PCDH11X: variants seen among roughly 807,000 people sequenced by gnomAD.
PCDH11X encodes the protein protocadherin-11 X-linked.
In PCDH11X, 18 loss-of-function variants were observed where a neutral mutation model predicts 53.3. The ratio of observed to expected loss-of-function variants is 0.34; its 90% CI spans 0.23 to 0.50. PCDH11X has a LOEUF of 0.50. Among genes scored for constraint, PCDH11X ranks in the 20% least tolerant of loss-of-function variants. The pLI is 0.98. For synonymous variants in PCDH11X, 279 were observed against 393.3 expected, an observed-to-expected ratio of 0.71 and a Z score of 3.44; for missense variants, 570 against 1,032.4, an observed-to-expected ratio of 0.55 and a Z score of 6.14.
intron 10 of PCDH11X, among the ~76,000 whole-genome samples, chrX:92,498,901 T>TATATTATA (rs200346515): frequency 3.3e-5 from 3 of 90,179 alleles, no homozygotes; most frequent in Non-Finnish European, 4.4e-5. Context: ...TCATCAACAG[T>TATATTATA]ATATTATAAT....
At chrX:92,412,538 T>C (rs868779713) in intron 9 of PCDH11X, among the ~76,000 whole-genome samples, 2 of 53,389 alleles carry the variant, frequency 3.7e-5, no homozygotes, top group African/African-American at 6.8e-5. Context: ...TATATATATA[T>C]ATATATATAT....
At chrX:92,548,078 A>G (rs1378391309) in intron 10 of PCDH11X, among the ~76,000 whole-genome samples, 1 of 110,418 alleles carries the variant, frequency 9.1e-6, no homozygotes, top group Non-Finnish European at 1.9e-5. Context: ...ATCCAAGTTT[A>G]AATTGTGCAT....
At chrX:92,529,370 G>A (rs1263991909) in intron 10 of PCDH11X, among the ~76,000 whole-genome samples, 2 of 108,222 alleles carry the variant, frequency 1.8e-5, no homozygotes, top group African/African-American at 6.7e-5. Context: ...CACTGAATCT[G>A]TATGTATTAT....
chrX:92,506,216 C>CTTTTTTCTTTTTTTTT (rs2074055575), intron 10 of PCDH11X, among the ~76,000 whole-genome samples: 2 of 40,205 alleles, frequency 5.0e-5, no homozygotes, highest in Non-Finnish European at 8.2e-5. Flanking sequence ...CTTTTCTTTT[C>CTTTTTTCTTTTTTTTT]TTTTTTTTTT....
chrX:91,827,899 T>A (rs1936973296), intron 4 of PCDH11X, among the ~76,000 whole-genome samples: 1 of 107,633 alleles, frequency 9.3e-6, no homozygotes, highest in Non-Finnish European at 1.9e-5. Flanking sequence ...TTCTTTTTGC[T>A]TAGGATTGCC....
At chrX:92,057,925 C>G (rs1460537978) in intron 6 of PCDH11X, among the ~76,000 whole-genome samples, 1 of 89,080 alleles carries the variant, frequency 1.1e-5, no homozygotes, top group African/African-American at 6.1e-5. Flanking sequence ...AGATTCACAG[C>G]CACGTATAAT....
At chrX:92,062,279 T>C (rs1411189885) in intron 6 of PCDH11X, among the ~76,000 whole-genome samples, 1 of 111,570 alleles carries the variant, frequency 9.0e-6, no homozygotes, top group Non-Finnish European at 1.9e-5. Context: ...ATAGTTTGAC[T>C]TCCTCTCTTT....
chrX:91,856,911 T>C (rs1374113395), intron 5 of PCDH11X, among the ~76,000 whole-genome samples: 1 of 112,032 alleles, frequency 8.9e-6, no homozygotes, highest in Admixed American at 9.5e-5. Context: ...GCAATGAACA[T>C]ACATGTGCAT....
At chrX:92,302,608 T>C (rs2068746450) in intron 8 of PCDH11X, among the ~76,000 whole-genome samples, 1 of 111,388 alleles carries the variant, frequency 9.0e-6, no homozygotes, top group African/African-American at 3.3e-5. Context: ...GCCTGGAGCT[T>C]AGTGTGTGAG....
intron 8 of PCDH11X, among the ~76,000 whole-genome samples, chrX:92,332,720 A>ACAGCAG (rs112550030): frequency 3.3e-4 from 36 of 109,314 alleles, no homozygotes; most frequent in South Asian, 1.6e-3. Flanking sequence ...AGTTACTAAA[A>ACAGCAG]CAGCAGCAGC....
chrX:92,447,024 G>T (rs184826450), intron 9 of PCDH11X, among the ~76,000 whole-genome samples: 67 of 111,601 alleles, frequency 6.0e-4, no homozygotes, highest in African/African-American at 2.0e-3. Flanking sequence ...GTGGAATTTT[G>T]AACTTGAGAG....
chrX:92,496,386 T>C (rs1368286882), intron 10 of PCDH11X, among the ~76,000 whole-genome samples: 1 of 106,186 alleles, frequency 9.4e-6, no homozygotes, highest in Admixed American at 1.0e-4. Context: ...AATGTGGTGA[T>C]GAAGATTAAA....
At chrX:92,375,973 GA>G (rs1569476960) in intron 8 of PCDH11X, among the ~76,000 whole-genome samples, 1 of 111,157 alleles carries the variant, frequency 9.0e-6, no homozygotes, top group Non-Finnish European at 1.9e-5. Context: ...AGGAAATTAA[GA>G]AATATTGATG....
rs138118959 is a variant in PCDH11X at position 92,299,491 on chromosome X, A to G, written c.3144+36348A>G. On this transcript the variant is annotated intron_variant, in intron 8 of 10. Transcript: ENST00000682573. ...TATTACTGATTCAATTTTGGACCTC[A>G]TTTTGTATTTGTTCAGGGATCCAAT... is the stretch of plus-strand genomic sequence containing the variant. Among the ~76,000 whole-genome samples the G allele has an allele frequency of 7.2e-3, 795 of 110,915 alleles. 7 individuals are homozygous for G. Among genetic ancestry groups the G allele is most frequent in the African/African-American group, 0.025 (757 of 30,507 alleles).
At chrX:92,115,478 A>G (rs1379273821) in intron 6 of PCDH11X, among the ~76,000 whole-genome samples, 1 of 110,523 alleles carries the variant, frequency 9.0e-6, no homozygotes, top group Non-Finnish European at 1.9e-5. Flanking sequence ...ATATGTATAT[A>G]TTAAAGGGAG....
At chrX:92,128,560 G>A (rs1231700216) in intron 6 of PCDH11X, among the ~76,000 whole-genome samples, 1 of 108,952 alleles carries the variant, frequency 9.2e-6, no homozygotes, top group African/African-American at 3.4e-5. Context: ...ACCACGCCTG[G>A]CTAATTTTGG....
intron 6 of PCDH11X, among the ~76,000 whole-genome samples, chrX:92,006,313 C>T (rs757110397): frequency 9.3e-6 from 1 of 107,339 alleles, no homozygotes; most frequent in Non-Finnish European, 1.9e-5. Flanking sequence ...TTTCTTTTGA[C>T]TCTTCTGTGT....
At chrX:92,484,151 G>A (rs866933248) in intron 10 of PCDH11X, among the ~76,000 whole-genome samples, 27 of 36,252 alleles carry the variant, frequency 7.4e-4, no homozygotes, top group African/African-American at 2.4e-3. Context: ...GTATATATAT[G>A]TATATATGTA....
chrX:92,434,033 T>G (rs1218979955), intron 9 of PCDH11X, among the ~76,000 whole-genome samples: 1 of 110,712 alleles, frequency 9.0e-6, no homozygotes, highest in Non-Finnish European at 1.9e-5. Flanking sequence ...CAAGGTGAGG[T>G]CCATTATATT....
Sources: allele counts gnomAD v4.1 joint callset (sites outside exome capture counted in the v4.1 genomes callset), GRCh38; gene constraint gnomAD v4.1.1; transcripts MANE v1.5; gene names NCBI Gene and HGNC (gene_info 2026-07-23, HGNC 2026-07-21).